Variants in TMTC1 observed in about 807,000 individuals in gnomAD.
The protein encoded by TMTC1 is protein O-mannosyl-transferase TMTC1.
TMTC1 carries 73 observed loss-of-function variants against 104.8 expected under a neutral mutation model. The ratio of observed to expected loss-of-function variants is 0.70; its 90% confidence interval spans 0.58 to 0.85. TMTC1 has a LOEUF of 0.85. TMTC1 is among the 40% of genes least tolerant of loss of function. The pLI, the probability that TMTC1 is intolerant of heterozygous loss-of-function variation, is 0.00. For missense variants in TMTC1, 1,035 were observed against 1,096.1 expected, an observed-to-expected ratio of 0.94 and a Z score of 0.79; for synonymous variants, 434 against 428.7, an observed-to-expected ratio of 1.01 and a Z score of -0.15.
intron 2 of TMTC1, among the ~76,000 whole-genome samples, chr12:29,763,199 G>A (rs539904152): frequency 6.6e-6 from 1 of 152,264 alleles, no homozygotes; most frequent in East Asian, 1.9e-4. Flanking sequence ...AGCTGGATGT[G>A]CCCAGATATA....
rs892943608 is a variant in TMTC1 at position 29,740,767 on chromosome 12, C to T, written c.938+10899G>A. Among the ~76,000 whole-genome samples, 12 of 151,988 alleles carry T rather than the reference C, an allele frequency of 7.9e-5. No individual in the cohort carries two copies. The South Asian group carries it at 8.3e-4, about 11-fold the overall frequency. ...GATTGTATGCATGAGCCACTATGCC[C>T]GGCCCAAGTCAGTCTTTACAAAGAA... is the stretch of plus-strand genomic sequence containing the variant. On this transcript the variant is annotated intron_variant, in intron 5 of 17. Coordinates refer to ENST00000539277, the MANE Select transcript of TMTC1 (RefSeq NM_001193451.2).
At chr12:29,630,013 T>C (rs1938215041) in intron 6 of TMTC1, among the ~76,000 whole-genome samples, 1 of 152,192 alleles carries the variant, frequency 6.6e-6, no homozygotes, top group African/African-American at 2.4e-5. Flanking sequence ...AATTCACCCA[T>C]TTTAAGTTAT....
At chr12:29,530,414 A>G (rs1286658518) in intron 11 of TMTC1, among the ~76,000 whole-genome samples, 3 of 152,144 alleles carry the variant, frequency 2.0e-5, no homozygotes, top group South Asian at 2.1e-4. Context: ...ACTGACCAGC[A>G]TTTCTTCCTG....
intron 9 of TMTC1, among the ~76,000 whole-genome samples, chr12:29,561,561 C>T (rs971868546): frequency 3.9e-5 from 6 of 152,184 alleles, no homozygotes; most frequent in African/African-American, 7.2e-5. Flanking sequence ...GATTTACATA[C>T]GTGCTTTCTG....
At chr12:29,611,329 C>A (rs763598373) in intron 6 of TMTC1, among the ~76,000 whole-genome samples, 3 of 152,114 alleles carry the variant, frequency 2.0e-5, no homozygotes, top group Non-Finnish European at 4.4e-5. Context: ...AATCATGAAG[C>A]TCCCGGATTG....
chr12:29,512,737 T>A (rs1348295153), intron 16 of TMTC1, among the ~76,000 whole-genome samples: 1 of 152,208 alleles, frequency 6.6e-6, no homozygotes, highest in African/African-American at 2.4e-5. Context: ...TTGGTCTGAA[T>A]AACATGTATC....
Position 29,505,286 on chromosome 12 carries a change from A to G in TMTC1, c.*1560T>C, listed in dbSNP as rs1201324625. ...GAGCATGCGAATTATGTGAGCCTTTAGGCTACTATGTCTGTGTGCTACCTG... is the reference window on the plus strand; with the variant it reads ...GAGCATGCGAATTATGTGAGCCTTTGGGCTACTATGTCTGTGTGCTACCTG... On this transcript the variant is annotated 3_prime_UTR_variant, in exon 18 of 18. Coordinates refer to ENST00000539277, the MANE Select transcript of TMTC1 (RefSeq NM_001193451.2). 6.6e-6 allele frequency: 1 copy of G among 152,222 alleles called. No individual in the cohort carries two copies. The highest frequency in any genetic ancestry group is 1.5e-5 in the Non-Finnish European group (1 of 68,050). 9.4% of individuals were successfully genotyped at this position (152,222 alleles called of 1,614,324 possible). A position where few individuals can be genotyped will look rare whatever the true frequency, so the allele number is the denominator to read the frequency against.
In TMTC1 at chr12:29,516,594, A is replaced by T. The variant is rs919691377; in HGVS notation, c.2170-108T>A. 9.1e-6 allele frequency: 12 copies of T among 1,315,970 alleles called. No individual in the cohort carries two copies. The African/African-American group carries it at 1.6e-4, about 18-fold the overall frequency. The allele number at this position is 1,315,970 out of a possible 1,614,324, so 81.5% of individuals were successfully genotyped here. ...CGCACTCCTGACAAACATGCTCAGC[A>T]TCAATTTAGTGACTCATAGAGAAGG... On this transcript the variant is annotated intron_variant, in intron 14 of 17. Transcript: ENST00000539277.
intron 5 of TMTC1, among the ~76,000 whole-genome samples, chr12:29,736,442 CAG>C (rs1403918113): frequency 2.0e-5 from 3 of 151,274 alleles, no homozygotes; most frequent in Non-Finnish European, 2.9e-5. Flanking sequence ...TTTTTTAAGA[CAG>C]AGTCTTATTT....
intron 2 of TMTC1, among the ~76,000 whole-genome samples, chr12:29,764,244 T>G (rs1037559634): frequency 2.0e-5 from 3 of 152,306 alleles, no homozygotes; most frequent in African/African-American, 7.2e-5. Flanking sequence ...AGGTTAACAA[T>G]ATCACAGGCA....
intron 6 of TMTC1, among the ~76,000 whole-genome samples, chr12:29,617,921 G>A (rs1947030602): frequency 1.3e-5 from 2 of 152,068 alleles, no homozygotes; most frequent in Non-Finnish European, 2.9e-5. Context: ...ATACAAGAAG[G>A]GCATGATCTG....
intron 6 of TMTC1, among the ~76,000 whole-genome samples, chr12:29,612,915 T>C (rs1255965614): frequency 1.3e-5 from 2 of 152,198 alleles, no homozygotes; most frequent in African/African-American, 4.8e-5. Context: ...CTGCCCTTCT[T>C]AGTAAGGAAA....
At chr12:29,582,544 G>C (rs751073278) in intron 8 of TMTC1, among the ~76,000 whole-genome samples, 1 of 152,218 alleles carries the variant, frequency 6.6e-6, no homozygotes, top group Non-Finnish European at 1.5e-5. Context: ...GTTTCTGAGA[G>C]GGTGCTCAAG....
chr12:29,667,373 T>C (rs1940325913), intron 5 of TMTC1, among the ~76,000 whole-genome samples: 1 of 152,192 alleles, frequency 6.6e-6, no homozygotes, highest in Non-Finnish European at 1.5e-5. Context: ...AATACCCCAT[T>C]CTAAGGCTAT....
At chr12:29,510,479 T>C (rs922516124) in intron 17 of TMTC1, among the ~76,000 whole-genome samples, 1 of 152,204 alleles carries the variant, frequency 6.6e-6, no homozygotes, top group Non-Finnish European at 1.5e-5. Context: ...GTTTCCCAGC[T>C]AGATACTACT....
At chr12:29,677,207 C>T (rs1465846850) in intron 5 of TMTC1, among the ~76,000 whole-genome samples, 1 of 152,110 alleles carries the variant, frequency 6.6e-6, no homozygotes, top group Non-Finnish European at 1.5e-5. Context: ...AAGGTTATTA[C>T]AAATAAAAAT....
At chr12:29,543,529 T>G (rs1592205004) in intron 10 of TMTC1, among the ~76,000 whole-genome samples, 1 of 152,232 alleles carries the variant, frequency 6.6e-6, no homozygotes, top group African/African-American at 2.4e-5. Flanking sequence ...CTTGGAATGC[T>G]GGGCAGACCT....
intron 6 of TMTC1, among the ~76,000 whole-genome samples, chr12:29,628,421 A>T (rs2136487894): frequency 6.6e-6 from 1 of 152,324 alleles, no homozygotes; most frequent in Non-Finnish European, 1.5e-5. Context: ...GCTTCCAGCC[A>T]TCTGAATGGA....
intron 6 of TMTC1, among the ~76,000 whole-genome samples, chr12:29,618,474 C>T (rs7956084): frequency 0.019 from 2,921 of 152,136 alleles, 107 homozygotes; most frequent in African/African-American, 0.067. Context: ...AACATTAAAG[C>T]TCATATTACA....
Sources: allele counts gnomAD v4.1 joint callset (sites outside exome capture counted in the v4.1 genomes callset), GRCh38; gene constraint gnomAD v4.1.1; transcripts MANE v1.5; gene names NCBI Gene and HGNC (gene_info 2026-07-23, HGNC 2026-07-21).